The following FOXO1 variants were observed in gnomAD, a reference collection of about 807,000 sequenced individuals.
FOXO1 encodes forkhead box O1, also known as forkhead box protein O1.
FOXO1 carries 6 observed loss-of-function variants against 44.1 expected under a neutral mutation model. The ratio of observed to expected loss-of-function variants is 0.14; its 90% CI spans 0.07 to 0.27. The LOEUF (loss-of-function observed/expected upper bound fraction) is 0.27, where lower values mean the gene tolerates loss of function less well. Among genes scored for constraint, FOXO1 ranks in the 10% least tolerant of loss-of-function variants. The pLI is 1.00. For synonymous variants in FOXO1, 380 were observed against 362.7 expected (o/e 1.05, Z -0.54); for missense variants, 737 against 888.8 (o/e 0.83, Z 2.17).
intron 1 of FOXO1, among the ~76,000 whole-genome samples, chr13:40,623,417 C>T (rs756321808): frequency 6.6e-6 from 1 of 152,104 alleles, no homozygotes; most frequent in Admixed American, 6.5e-5. Context: ...TTGCCAACAA[C>T]AAGAAATAAA....
intron 1 of FOXO1, among the ~76,000 whole-genome samples, chr13:40,623,914 C>T (rs1454401789): frequency 1.4e-5 from 2 of 144,420 alleles, no homozygotes; most frequent in East Asian, 4.2e-4. Flanking sequence ...AGTGAGACAC[C>T]ATCTCTTAAA....
chr13:40,595,376 T>G (rs1174974097), intron 1 of FOXO1, among the ~76,000 whole-genome samples: 1 of 152,194 alleles, frequency 6.6e-6, no homozygotes, highest in Admixed American at 6.5e-5. Flanking sequence ...CAGGGATCTA[T>G]CTATCCTGTC....
intron 1 of FOXO1, among the ~76,000 whole-genome samples, chr13:40,625,647 T>A (rs1229009574): frequency 1.4e-5 from 2 of 143,486 alleles, no homozygotes; most frequent in Admixed American, 7.1e-5. Flanking sequence ...TTAATAAACT[T>A]GCTTTCACTT....
intron 1 of FOXO1, among the ~76,000 whole-genome samples, chr13:40,605,126 A>G (rs1029335247): frequency 1.3e-5 from 2 of 151,864 alleles, no homozygotes; most frequent in Non-Finnish European, 2.9e-5. Context: ...ATATAAATAT[A>G]TATTTTTAGT....
rs1455138489 is a variant in FOXO1, at chr13:40,559,499, G to A, written c.*14+10C>T. On this transcript the variant is annotated intron_variant, in intron 2 of 2. Transcript: ENST00000379561. ...TTTCAAAAGGTCTTTTGATATTGGG[G>A]TGAACTTACCTGCTCACTAACCCTC... 3 of 1,541,074 alleles carry A rather than the reference G, an allele frequency of 1.9e-6. No individual in the cohort carries two copies. In the African/African-American group the frequency reaches 4.1e-5, roughly 21 times the overall value.
chr13:40,603,893 T>A (rs1875900805), intron 1 of FOXO1, among the ~76,000 whole-genome samples: 1 of 152,216 alleles, frequency 6.6e-6, no homozygotes, highest in South Asian at 2.1e-4. Context: ...TCAAGAAAAC[T>A]ATAACTCAAC....
intron 1 of FOXO1, among the ~76,000 whole-genome samples, chr13:40,625,083 T>C (rs1876743933): frequency 6.6e-6 from 1 of 152,124 alleles, no homozygotes; most frequent in African/African-American, 2.4e-5. Context: ...GGATTATTAG[T>C]GAAGACAAAA....
At chr13:40,589,956 G>T (rs1878074991) in intron 1 of FOXO1, among the ~76,000 whole-genome samples, 1 of 152,178 alleles carries the variant, frequency 6.6e-6, no homozygotes, top group Non-Finnish European at 1.5e-5. Flanking sequence ...CTAGTAACTT[G>T]AAGAGTTACC....
At chr13:40,633,161 A>C (rs1053754782) in intron 1 of FOXO1, among the ~76,000 whole-genome samples, 33 of 152,272 alleles carry the variant, frequency 2.2e-4, no homozygotes, top group Admixed American at 9.2e-4. Context: ...CATGGTAGGA[A>C]TGTAAAATGG....
At chr13:40,588,195 C>G (rs1875243083) in intron 1 of FOXO1, among the ~76,000 whole-genome samples, 1 of 152,128 alleles carries the variant, frequency 6.6e-6, no homozygotes, top group Non-Finnish European at 1.5e-5. Flanking sequence ...AGGGAGTGCT[C>G]ATCTTCCACC....
intron 1 of FOXO1, among the ~76,000 whole-genome samples, chr13:40,617,101 G>T (rs750236600): frequency 6.6e-6 from 1 of 152,214 alleles, no homozygotes; most frequent in Non-Finnish European, 1.5e-5. Context: ...TTTCTAATGG[G>T]ATAACAGAAG....
intron 1 of FOXO1, among the ~76,000 whole-genome samples, chr13:40,647,130 T>G (rs1366273641): frequency 6.6e-6 from 1 of 152,194 alleles, no homozygotes; most frequent in African/African-American, 2.4e-5. Context: ...GGATTAGGAC[T>G]GCTCCAGACA....
intron 1 of FOXO1, among the ~76,000 whole-genome samples, chr13:40,617,975 T>G (rs569735095): frequency 6.6e-6 from 1 of 152,194 alleles, no homozygotes; most frequent in Non-Finnish European, 1.5e-5. Context: ...TCAGGCCTGA[T>G]GCATTCACCG....
At chr13:40,574,664 T>C (rs1874674648) in intron 1 of FOXO1, among the ~76,000 whole-genome samples, 2 of 152,164 alleles carry the variant, frequency 1.3e-5, no homozygotes, top group South Asian at 4.1e-4. Context: ...TGAACCAACA[T>C]GTAGTCTCTG....
At chr13:40,644,117 C>G (rs981336488) in intron 1 of FOXO1, among the ~76,000 whole-genome samples, 1 of 152,190 alleles carries the variant, frequency 6.6e-6, no homozygotes. Flanking sequence ...CTGTAGTGAT[C>G]TAAAGACATC....
chr13:40,639,738 C>A (rs1234074511), intron 1 of FOXO1, among the ~76,000 whole-genome samples: 1 of 152,222 alleles, frequency 6.6e-6, no homozygotes, highest in Non-Finnish European at 1.5e-5. Context: ...AAAGATGTTT[C>A]TTGAATTGCC....
chr13:40,628,066 C>G (rs1876844065), intron 1 of FOXO1, among the ~76,000 whole-genome samples: 1 of 152,022 alleles, frequency 6.6e-6, no homozygotes, highest in Admixed American at 6.5e-5. Context: ...TATATACATA[C>G]ATAAAGGATG....
intron 1 of FOXO1, among the ~76,000 whole-genome samples, chr13:40,663,678 A>AACGGTAAGAAGGC: frequency 1.3e-5 from 2 of 152,378 alleles, no homozygotes; most frequent in South Asian, 4.1e-4. Context: ...TGCTGAACTT[A>AACGGTAAGAAGGC]ACGGTAAGAA....
intron 1 of FOXO1, among the ~76,000 whole-genome samples, chr13:40,576,179 G>GA (rs1874735341): frequency 6.6e-6 from 1 of 152,144 alleles, no homozygotes. Flanking sequence ...GGTATGTCTG[G>GA]AGAAAAGAGA....
Sources: gnomAD v4.1 joint callset for allele counts (sites outside exome capture counted in the v4.1 genomes callset) on GRCh38, gnomAD v4.1.1 for gene constraint, MANE v1.5 for transcripts, NCBI Gene and HGNC (gene_info 2026-07-23, HGNC 2026-07-21) for gene names.